The following OTUD3 variants were observed in gnomAD, a reference collection of about 807,000 sequenced individuals.
The protein encoded by OTUD3 is OTU domain-containing protein 3.
A neutral mutation model predicts 46.2 loss-of-function variants in OTUD3; 24 were observed. That is an observed-to-expected ratio of 0.52 (90% CI 0.38 to 0.73). The LOEUF (loss-of-function observed/expected upper bound fraction) is 0.73. OTUD3 is among the 30% of genes least tolerant of loss of function. The pLI is 0.00. For synonymous variants in OTUD3, 189 were observed against 195.4 expected (o/e 0.97, Z 0.27); for missense variants, 455 against 523.3 (o/e 0.87, Z 1.27).
Position 19,882,635 on chromosome 1 carries a change from C to T in OTUD3, c.122C>T (p.Pro41Leu). 2.1e-6 allele frequency: 3 copies of T among 1,461,718 alleles called. No homozygotes were observed. The highest frequency in any genetic ancestry group is 2.5e-5 in the Admixed American group (1 of 40,128). The allele number at this position is 1,461,718 out of a possible 1,614,324, so 90.5% of individuals were successfully genotyped here. A position where few individuals can be genotyped will look rare whatever the true frequency, so the allele number is the denominator to read the frequency against. Residue 41 changes from proline (P) to leucine (L), a missense_variant, in exon 1 of 8, where the codon CCG (proline) becomes CTG (leucine). Pro to Leu is a moderately conservative substitution (Grantham distance 98). Transcript: ENST00000375120. ...RALAKERRNR[P>L]ESGGGGGCEE... is the part of the protein sequence containing the mutation. Reference sequence around the variant, plus strand: ...CTGGCCAAGGAGCGGCGGAATCGGCCGGAGTCTGGCGGCGGCGGCGGCTGC... The same window carrying T: ...CTGGCCAAGGAGCGGCGGAATCGGCTGGAGTCTGGCGGCGGCGGCGGCTGC...
chr1:19,893,986 G>A (rs1183419168), intron 2 of OTUD3, among the ~76,000 whole-genome samples: 1 of 152,204 alleles, frequency 6.6e-6, no homozygotes, highest in Non-Finnish European at 1.5e-5. Context: ...AAAATGGTTT[G>A]TATAATAGTA....
At chr1:19,898,709 C>T (rs1390051036) in intron 4 of OTUD3, among the ~76,000 whole-genome samples, 1 of 143,526 alleles carries the variant, frequency 7.0e-6, no homozygotes, top group Non-Finnish European at 1.5e-5. Flanking sequence ...GCCTGGGCAA[C>T]AAGAGCAAAA....
intron 3 of OTUD3, among the ~76,000 whole-genome samples, chr1:19,895,352 C>T (rs1471164866): frequency 1.3e-5 from 2 of 152,194 alleles, no homozygotes; most frequent in Non-Finnish European, 2.9e-5. Flanking sequence ...TTGACAAACA[C>T]AGTCATGTAA....
In OTUD3 at chr1:19,904,372, A is replaced by G. The variant is rs546445307; in HGVS notation, c.712A>G (p.Lys238Glu). 1 of 1,612,856 alleles carries G rather than the reference A, an allele frequency of 6.2e-7. No individual in the cohort carries two copies. The highest frequency in any genetic ancestry group is 1.1e-5 in the South Asian group (1 of 90,822). ...LRDEVEDAVQ[K>E]VCNATGCSDF... ...AGATGAAGTAGAGGATGCTGTCCAG[A>G]AAGTTTGTAATGCAACTGGATGTTC... The change falls in exon 5 of 8, where the codon AAA becomes GAA. Residue 238 changes from lysine (K) to glutamate (E), a missense_variant. By Grantham distance (56) the Lys-to-Glu change is moderately conservative. Coordinates refer to ENST00000375120, the MANE Select transcript of OTUD3 (RefSeq NM_015207.2).
intron 1 of OTUD3, 122 bp downstream of exon 1, chr1:19,882,856 C>T: frequency 3.4e-6 from 3 of 884,416 alleles, no homozygotes; most frequent in Middle Eastern, 3.9e-4. Context: ...CTCCCGCGAG[C>T]CAGCCACGCT....
intron 7 of OTUD3, 53 bp from the exon 8 acceptor site, chr1:19,907,516 TG>T (rs1035305883): frequency 3.5e-5 from 55 of 1,560,170 alleles, no homozygotes; most frequent in Non-Finnish European, 4.7e-5. Flanking sequence ...TTCTAGCAGG[TG>T]GCAGCTTGAG....
rs372327524 is a variant in OTUD3, at chr1:19,906,611, G to A, written c.1015G>A (p.Ala339Thr). 20 of 1,607,852 alleles carry A rather than the reference G, an allele frequency of 1.2e-5. No homozygotes were observed. Among genetic ancestry groups the A allele is most frequent in the South Asian group, 7.8e-5 (7 of 90,278 alleles). ...EENKANKNQL[A>T]KVTNKQRREQ... ...AAACAAAGCAAATAAAAACCAGCTCGCAAAGGTATGTAAGATGGGGTTGAA... is the reference window on the plus strand; with the variant it reads ...AAACAAAGCAAATAAAAACCAGCTCACAAAGGTATGTAAGATGGGGTTGAA... The change falls in exon 7 of 8, where the codon GCA becomes ACA. Residue 339 changes from alanine (A) to threonine (T), a missense_variant. Physicochemically the swap from Ala to Thr is moderately conservative, Grantham distance 58. Coordinates refer to ENST00000375120, the MANE Select transcript of OTUD3 (RefSeq NM_015207.2).
Position 19,909,353 on chromosome 1 carries a change from G to A in OTUD3, c.*1607G>A, listed in dbSNP as rs1340603050. On this transcript the variant is annotated 3_prime_UTR_variant, in exon 8 of 8. Coordinates refer to ENST00000375120, the MANE Select transcript of OTUD3 (RefSeq NM_015207.2). ...ATTGCTCCTAGGACATTGTGGTTTAGGTTTCTTCCTGGGTACAGTACATTG... is the reference window on the plus strand; with the variant it reads ...ATTGCTCCTAGGACATTGTGGTTTAAGTTTCTTCCTGGGTACAGTACATTG... The A allele has an allele frequency of 6.6e-6, 1 of 152,196 alleles. No individual in the cohort carries two copies. Among genetic ancestry groups the A allele is most frequent in the Non-Finnish European group, 1.5e-5 (1 of 68,032 alleles). The allele number at this position is 152,196 out of a possible 1,614,324, so 9.4% of individuals were successfully genotyped here. A position where few individuals can be genotyped will look rare whatever the true frequency, so the allele number is the denominator to read the frequency against.
chr1:19,906,706 T>G (rs1027594661), intron 7 of OTUD3, 90 bp downstream of exon 7: 2 of 1,186,126 alleles, frequency 1.7e-6, no homozygotes, highest in African/African-American at 1.5e-5. Context: ...ATTTGTATTT[T>G]CCTTCTGATT....
At position 19,890,637 on chromosome 1, in the gene OTUD3, C is replaced by T; in HGVS notation, c.370+104C>T. 5.0e-6 allele frequency: 5 copies of T among 996,938 alleles called. No homozygotes were observed. In the South Asian group the frequency reaches 5.8e-5, roughly 12 times the overall value. 61.8% of individuals were successfully genotyped at this position (996,938 alleles called of 1,614,324 possible). The stretch of plus-strand genomic sequence containing the variant: ...CAGCCAAGGGTTTGGTTATATAAAT[C>T]ACGACATTCATTTATTCAAGAAATA... On this transcript the variant is annotated intron_variant, in intron 2 of 7. Transcript: ENST00000375120.
rs138147667 is a variant in OTUD3 at position 19,885,211 on chromosome 1, C to T, written c.221+2477C>T. ...CAGAAACCAGCTTGACTGGAGTGCT[C>T]ATGTCTCTCTTCCAAGGTTCCTGTT... On this transcript the variant is annotated intron_variant, in intron 1 of 7. Coordinates refer to ENST00000375120, the MANE Select transcript of OTUD3 (RefSeq NM_015207.2). 3.5e-3 allele frequency among the ~76,000 whole-genome samples: 528 copies of T among 152,308 alleles called. 6 individuals carry two copies. Among genetic ancestry groups the T allele is most frequent in the African/African-American group, 0.012 (503 of 41,558 alleles).
intron 1 of OTUD3, among the ~76,000 whole-genome samples, chr1:19,883,408 A>G (rs1441827305): frequency 6.6e-6 from 1 of 152,170 alleles, no homozygotes; most frequent in African/African-American, 2.4e-5. Flanking sequence ...GAAAGGGGAT[A>G]TGGCTCCAGG....
rs772599029 is a variant in OTUD3 at position 19,894,467 on chromosome 1, C to T, written c.470C>T (p.Ala157Val). 1 of 1,588,728 alleles carries T rather than the reference C, an allele frequency of 6.3e-7. No individual in the cohort carries two copies. Among genetic ancestry groups the T allele is most frequent in the South Asian group, 1.1e-5 (1 of 88,578 alleles). The part of the protein sequence containing the change: ...QLNVVIHQLN[A>V]PLWQIRGTEK... ...AATGTAGTGATTCATCAACTTAATG[C>T]CCCTTTGTGGCAGGTAGGTCACCTA... Residue 157 changes from alanine to valine, a missense_variant, in exon 3 of 8, where the codon GCC becomes GTC. Transcript: ENST00000375120.
chr1:19,883,860 T>C (rs2045315543), intron 1 of OTUD3, among the ~76,000 whole-genome samples: 1 of 152,242 alleles, frequency 6.6e-6, no homozygotes, highest in Non-Finnish European at 1.5e-5. Context: ...TGATTAAGAC[T>C]GTGAACTGGT....
chr1:19,882,446 C>T lies in OTUD3; in HGVS notation c.-68C>T. 1 of 1,319,370 alleles carries T rather than the reference C, an allele frequency of 7.6e-7. No individual in the cohort carries two copies. The highest frequency in any genetic ancestry group is 9.6e-7 in the Non-Finnish European group (1 of 1,040,402). The allele number at this position is 1,319,370 out of a possible 1,614,324, so 81.7% of individuals were successfully genotyped here. A position where few individuals can be genotyped will look rare whatever the true frequency, so the allele number is the denominator to read the frequency against. ...TGCCCGCGCTGTTTTACCTTCCCAA[C>T]GCTTGAGGCGGACGCTGGGGGGTCC... On this transcript the variant is annotated 5_prime_UTR_variant, in exon 1 of 8. It adds an upstream start codon to the 5' untranslated region. Transcript: ENST00000375120.
intron 6 of OTUD3, 85 bp downstream of exon 6, chr1:19,905,072 G>C: frequency 1.3e-6 from 1 of 769,298 alleles, no homozygotes; most frequent in African/African-American, 1.7e-5. Context: ...CAAGTCACAG[G>C]TGGTAACTGT....
chr1:19,883,129 G>A (rs1021267396), intron 1 of OTUD3, among the ~76,000 whole-genome samples: 4 of 152,234 alleles, frequency 2.6e-5, no homozygotes, highest in Non-Finnish European at 4.4e-5. Context: ...CCAGTTGAAG[G>A]AGTTTGAGTA....
intron 7 of OTUD3, chr1:19,907,048 G>T (rs1016026189): frequency 6.1e-6 from 1 of 162,604 alleles, no homozygotes; most frequent in African/African-American, 2.4e-5. Flanking sequence ...TCTTTTAAAG[G>T]CTTTTGGTAA....
rs1396114948 is a variant in OTUD3 at position 19,902,501 on chromosome 1, G to A, written c.607-1766G>A. Reference sequence around the variant, plus strand: ...ATTACAGGCATGAGCCACCACGCCCGGCCAGTATCTTAAAGTTTTGAATTG... The same window carrying A: ...ATTACAGGCATGAGCCACCACGCCCAGCCAGTATCTTAAAGTTTTGAATTG... On this transcript the variant is annotated intron_variant, in intron 4 of 7. Transcript: ENST00000375120. Among the ~76,000 whole-genome samples, 8 of 152,244 alleles carry A rather than the reference G, an allele frequency of 5.3e-5. No individual in the cohort carries two copies. In the South Asian group the frequency reaches 1.0e-3, roughly 20 times the overall value.
Sources: allele counts gnomAD v4.1 joint callset (sites outside exome capture counted in the v4.1 genomes callset), GRCh38; gene constraint gnomAD v4.1.1; transcripts MANE v1.5; gene names NCBI Gene and HGNC (gene_info 2026-07-23, HGNC 2026-07-21).